Variants in SLC4A10 observed in about 807,000 individuals in gnomAD.
SLC4A10 encodes the protein solute carrier family 4 member 10.
SLC4A10 carries 42 observed loss-of-function variants against 137.7 expected under a neutral mutation model. The ratio of observed to expected loss-of-function variants is 0.30; its 90% CI spans 0.24 to 0.39. SLC4A10 has a LOEUF of 0.39. Among genes scored for constraint, SLC4A10 ranks in the 10% least tolerant of loss-of-function variants. SLC4A10 has a pLI of 1.00. For synonymous variants in SLC4A10, 474 were observed against 464.1 expected (o/e 1.02, Z -0.27); for missense variants, 925 against 1,355.0 (o/e 0.68, Z 4.98).
At chr2:161,763,202 C>T (rs1328477669) in intron 1 of SLC4A10, among the ~76,000 whole-genome samples, 1 of 151,878 alleles carries the variant, frequency 6.6e-6, no homozygotes, top group East Asian at 1.9e-4. Context: ...TCTACTCTAC[C>T]CTTTATTTGG....
chr2:161,724,187 C>G (rs1200088560), intron 1 of SLC4A10, among the ~76,000 whole-genome samples: 1 of 152,136 alleles, frequency 6.6e-6, no homozygotes, highest in Non-Finnish European at 1.5e-5. Flanking sequence ...TTCCCCTCAC[C>G]TCAACCATCC....
At chr2:161,887,338 G>A (rs1020455800) in intron 10 of SLC4A10, among the ~76,000 whole-genome samples, 2 of 152,058 alleles carry the variant, frequency 1.3e-5, no homozygotes, top group Admixed American at 6.6e-5. Context: ...CCCAGTAACG[G>A]GGTTGCTGGG....
chr2:161,883,590 T>C (rs2061984158), intron 10 of SLC4A10, among the ~76,000 whole-genome samples: 1 of 152,126 alleles, frequency 6.6e-6, no homozygotes, highest in African/African-American at 2.4e-5. Context: ...AAAATGACAG[T>C]AGTTTGTTTT....
At chr2:161,624,752 T>TCC (rs577653032) in intron 1 of SLC4A10, among the ~76,000 whole-genome samples, 186 bp downstream of exon 1, 2 of 148,792 alleles carry the variant, frequency 1.3e-5, no homozygotes, top group Non-Finnish European at 3.0e-5. Flanking sequence ...ACGATTCTCC[T>TCC]CCCCCCCCCT....
intron 16 of SLC4A10, among the ~76,000 whole-genome samples, chr2:161,945,716 G>T (rs555429011): frequency 1.3e-5 from 2 of 151,810 alleles, no homozygotes; most frequent in Non-Finnish European, 3.0e-5. Context: ...TTTAAAATTA[G>T]CATTTTGTTT....
At chr2:161,677,826 A>G (rs1193570126) in intron 1 of SLC4A10, among the ~76,000 whole-genome samples, 5 of 152,204 alleles carry the variant, frequency 3.3e-5, no homozygotes, top group Non-Finnish European at 7.3e-5. Flanking sequence ...TCAGAAATGA[A>G]CGTGGACAGT....
At chr2:161,748,411 G>C (rs76050337) in intron 1 of SLC4A10, among the ~76,000 whole-genome samples, 3 of 150,784 alleles carry the variant, frequency 2.0e-5, no homozygotes, top group African/African-American at 7.3e-5. Context: ...TAAATCTTAC[G>C]TCTATGTCTT....
intron 2 of SLC4A10, among the ~76,000 whole-genome samples, chr2:161,803,407 C>G (rs1227148719): frequency 6.6e-6 from 1 of 152,084 alleles, no homozygotes; most frequent in Non-Finnish European, 1.5e-5. Flanking sequence ...AGGGTTCACT[C>G]TGTGTTATAC....
chr2:161,842,715 T>C (rs1324823989), intron 4 of SLC4A10, among the ~76,000 whole-genome samples: 1 of 152,158 alleles, frequency 6.6e-6, no homozygotes, highest in East Asian at 1.9e-4. Flanking sequence ...CTACCTTACT[T>C]TTTGTCCCAA....
intron 1 of SLC4A10, among the ~76,000 whole-genome samples, chr2:161,657,678 C>T (rs1055448374): frequency 1.3e-5 from 2 of 151,854 alleles, no homozygotes; most frequent in African/African-American, 4.8e-5. Flanking sequence ...TTTGTTAAAG[C>T]TGTTTCTGTT....
chr2:161,874,198 T>C (rs1466418864), intron 8 of SLC4A10, among the ~76,000 whole-genome samples, 193 bp downstream of exon 8: 2 of 152,342 alleles, frequency 1.3e-5, no homozygotes, highest in African/African-American at 4.8e-5. Flanking sequence ...ACATTTAATT[T>C]CTGATATTCT....
intron 6 of SLC4A10, among the ~76,000 whole-genome samples, chr2:161,869,917 A>G (rs1460680574): frequency 6.6e-6 from 1 of 151,468 alleles, no homozygotes; most frequent in Non-Finnish European, 1.5e-5. Flanking sequence ...CATACATTCT[A>G]TACACATACC....
chr2:161,808,853 T>A (rs1196459712), intron 3 of SLC4A10, among the ~76,000 whole-genome samples: 1 of 152,214 alleles, frequency 6.6e-6, no homozygotes, highest in Non-Finnish European at 1.5e-5. Context: ...TTTGCTATGG[T>A]GAATAACACT....
chr2:161,875,421 C>T (rs1218369175), intron 8 of SLC4A10, among the ~76,000 whole-genome samples: 2 of 152,092 alleles, frequency 1.3e-5, no homozygotes, highest in African/African-American at 2.4e-5. Flanking sequence ...GGTCTTTATT[C>T]ATCTTATATG....
At chr2:161,699,936 G>T (rs948488111) in intron 1 of SLC4A10, among the ~76,000 whole-genome samples, 1 of 152,080 alleles carries the variant, frequency 6.6e-6, no homozygotes, top group Admixed American at 6.5e-5. Context: ...ATGCTATGTA[G>T]ATAGATACTG....
At chr2:161,819,270 C>A (rs1301714052) in intron 3 of SLC4A10, among the ~76,000 whole-genome samples, 1 of 151,972 alleles carries the variant, frequency 6.6e-6, no homozygotes, top group Admixed American at 6.6e-5. Context: ...GCTGTGATTC[C>A]TAGGTGAGTC....
At chr2:161,878,160 CCT>C (rs1480824076) in intron 8 of SLC4A10, among the ~76,000 whole-genome samples, 1 of 152,076 alleles carries the variant, frequency 6.6e-6, no homozygotes. Context: ...AGAGCTCATT[CCT>C]CTCTCGGCTA....
At chr2:161,775,184 A>G (rs2052167059) in intron 2 of SLC4A10, among the ~76,000 whole-genome samples, 1 of 151,926 alleles carries the variant, frequency 6.6e-6, no homozygotes, top group South Asian at 2.1e-4. Context: ...GACTACTTCA[A>G]ATTCACCCAA....
chr2:161,792,146 T>C lies in SLC4A10; in HGVS notation c.131-12303T>C, dbSNP rs1180164683. The stretch of plus-strand genomic sequence containing the variant: ...GGTATATTTGCTCTTTAATGTGACA[T>C]GACATGTTTTCTGTGGATAAGGAGA... On this transcript the variant is annotated intron_variant, in intron 2 of 26. Transcript: ENST00000446997. Among the ~76,000 whole-genome samples the C allele has an allele frequency of 7.9e-5, 12 of 152,136 alleles. 1 individual carries two copies. The highest frequency in any genetic ancestry group is 4.4e-5 in the Non-Finnish European group (3 of 68,000).
Sources: allele counts gnomAD v4.1 joint callset (sites outside exome capture counted in the v4.1 genomes callset), GRCh38; gene constraint gnomAD v4.1.1; transcripts MANE v1.5; gene names NCBI Gene and HGNC (gene_info 2026-07-23, HGNC 2026-07-21).